LYRM4: variants seen among roughly 807,000 people sequenced by gnomAD.
LYRM4 encodes LYR motif containing 4, also known as LYR motif-containing protein 4.
LYRM4 carries 9 observed loss-of-function variants against 11.7 expected under a neutral mutation model. The ratio of observed to expected loss-of-function variants is 0.77; its 90% CI spans 0.46 to 1.34. The LOEUF is 1.34. Among genes scored for constraint, LYRM4 ranks in the 40% most tolerant of loss-of-function variants. LYRM4 has a pLI of 0.00. For missense variants in LYRM4, 133 were observed against 112.5 expected (o/e 1.18, Z -0.82); for synonymous variants, 42 against 40.4 (o/e 1.04, Z -0.15).
At chr6:5,124,054 G>T (rs1393850506) in intron 2 of LYRM4, among the ~76,000 whole-genome samples, 1 of 152,098 alleles carries the variant, frequency 6.6e-6, no homozygotes, top group East Asian at 1.9e-4. Context: ...TCCCAGGGCC[G>T]TGGAGAGGGC....
the LYRM4 span, among the ~76,000 whole-genome samples, chr6:5,070,473 T>A: frequency 6.6e-6 from 1 of 152,344 alleles, no homozygotes; most frequent in South Asian, 2.1e-4. Flanking sequence ...TTATGTTTTC[T>A]AATTTTTCCA....
the LYRM4 span, among the ~76,000 whole-genome samples, chr6:5,053,048 G>A: frequency 6.6e-6 from 1 of 152,188 alleles, no homozygotes; most frequent in African/African-American, 2.4e-5. Flanking sequence ...AGAAAGAAAG[G>A]CAAGATATTT....
chr6:5,137,221 G>A (rs548614778), intron 2 of LYRM4, among the ~76,000 whole-genome samples: 5 of 152,310 alleles, frequency 3.3e-5, no homozygotes, highest in African/African-American at 1.2e-4. Context: ...TATACCACAT[G>A]TTGCTCATCC....
intron 2 of LYRM4, among the ~76,000 whole-genome samples, chr6:5,191,198 T>C (rs1273659232): frequency 6.6e-6 from 1 of 152,098 alleles, no homozygotes; most frequent in Non-Finnish European, 1.5e-5. Context: ...TAAAACAACA[T>C]GAGTCAAGAG....
At chr6:5,100,481 C>T (rs1762465507), downstream of LYRM4, among the ~76,000 whole-genome samples, 1 of 152,118 alleles carries the variant, frequency 6.6e-6, no homozygotes, top group South Asian at 2.1e-4. Context: ...CAGCAAGAAT[C>T]CCAGACAGAA....
chr6:5,208,532 A>G (rs895266872), intron 2 of LYRM4, among the ~76,000 whole-genome samples: 5 of 152,230 alleles, frequency 3.3e-5, no homozygotes, highest in African/African-American at 1.2e-4. Flanking sequence ...GCACATGGAA[A>G]TACACTAAAG....
rs1219239393 is a variant in LYRM4, at chr6:5,108,503, G to A, written c.*920C>T. ...AGTTGGTTAAACATTGAAAACAGTG[G>A]GAGAGCTTCAGAATAGAGAAAAATG... On this transcript the variant is annotated 3_prime_UTR_variant, in exon 3 of 3. Transcript: ENST00000330636. 2.6e-6 allele frequency: 2 copies of A among 771,082 alleles called. No homozygotes were observed. The highest frequency in any genetic ancestry group is 1.3e-4 in the East Asian group (1 of 7,866). The allele number at this position is 771,082 out of a possible 1,614,324, so 47.8% of individuals were successfully genotyped here. A position where few individuals can be genotyped will look rare whatever the true frequency, so the allele number is the denominator to read the frequency against.
chr6:5,165,580 T>C (rs1409161683), intron 2 of LYRM4, among the ~76,000 whole-genome samples: 3 of 151,896 alleles, frequency 2.0e-5, no homozygotes, highest in Admixed American at 6.6e-5. Context: ...TCTCACTCTG[T>C]TGCCCAGGCT....
the LYRM4 span, among the ~76,000 whole-genome samples, chr6:5,048,682 C>T: frequency 4.6e-5 from 7 of 152,306 alleles, no homozygotes; most frequent in East Asian, 1.3e-3. Context: ...TCACAGATCC[C>T]TACTTCACCT....
intron 2 of LYRM4, among the ~76,000 whole-genome samples, chr6:5,129,058 G>A (rs990283148): frequency 1.3e-5 from 2 of 152,196 alleles, no homozygotes; most frequent in Admixed American, 6.5e-5. Context: ...TAGAGGCTGC[G>A]AGCGGCCACA....
At chr6:5,243,750 AAG>A (rs1764016721) in intron 1 of LYRM4, among the ~76,000 whole-genome samples, 2 of 152,236 alleles carry the variant, frequency 1.3e-5, no homozygotes, top group African/African-American at 2.4e-5. Flanking sequence ...AATTAAAACA[AAG>A]AGTTATTTTT....
intron 1 of LYRM4, among the ~76,000 whole-genome samples, chr6:5,230,672 C>T (rs1391111565): frequency 2.0e-5 from 3 of 152,254 alleles, no homozygotes; most frequent in East Asian, 3.9e-4. Flanking sequence ...AAATAAAGCA[C>T]AAACGATGAA....
chr6:5,083,199 G>A, the LYRM4 span, among the ~76,000 whole-genome samples: 16 of 152,220 alleles, frequency 1.1e-4, no homozygotes, highest in African/African-American at 2.7e-4. Flanking sequence ...GTGCCCCCGT[G>A]AGGGTTGTAG....
chr6:5,128,333 C>T (rs1256420119), intron 2 of LYRM4, among the ~76,000 whole-genome samples: 1 of 152,218 alleles, frequency 6.6e-6, no homozygotes, highest in Non-Finnish European at 1.5e-5. Context: ...CTGCTCCCAG[C>T]TGTACACAGG....
chr6:5,061,321 G>A, the LYRM4 span, among the ~76,000 whole-genome samples: 1 of 152,142 alleles, frequency 6.6e-6, no homozygotes, highest in African/African-American at 2.4e-5. Context: ...GCAGAGGCCT[G>A]CCTGTCAGTC....
the LYRM4 span, chr6:5,085,735 T>TCCTTTTCCTTGCCCGCC: frequency 4.5e-6 from 7 of 1,542,514 alleles, no homozygotes; most frequent in Non-Finnish European, 6.1e-6. Context: ...CCGCGCGCGC[T>TCCTTTTCCTTGCCCGCC]CCTTTTCCTT....
the LYRM4 span, chr6:5,088,678 A>G: frequency 6.6e-6 from 1 of 152,226 alleles, no homozygotes; most frequent in African/African-American, 2.4e-5. Flanking sequence ...TAAACACAAT[A>G]TGCTGACAAT....
the LYRM4 span, chr6:5,086,468 C>T: frequency 9.1e-6 from 14 of 1,537,102 alleles, no homozygotes; most frequent in Non-Finnish European, 1.0e-5. Context: ...GTCCACTTCG[C>T]TGTCTGCTAC....
chr6:5,257,937 G>A (rs1764760194), intron 1 of LYRM4, among the ~76,000 whole-genome samples: 1 of 152,234 alleles, frequency 6.6e-6, no homozygotes, highest in South Asian at 2.1e-4. Flanking sequence ...TGTTTGGCTG[G>A]TGGGAGGGAT....
Sources: gnomAD v4.1 joint callset for allele counts (sites outside exome capture counted in the v4.1 genomes callset) on GRCh38, gnomAD v4.1.1 for gene constraint, MANE v1.5 for transcripts, NCBI Gene and HGNC (gene_info 2026-07-23, HGNC 2026-07-21) for gene names.